SNX31: variants seen among roughly 807,000 people sequenced by gnomAD.
SNX31 encodes sorting nexin-31.
In SNX31, 58 loss-of-function variants were observed where a neutral mutation model predicts 65.4. That is an observed-to-expected ratio of 0.89 (90% CI 0.72 to 1.10). The LOEUF (loss-of-function observed/expected upper bound fraction) is 1.10, where lower values mean the gene tolerates loss of function less well. Among genes scored for constraint, SNX31 ranks in the 50% least tolerant of loss-of-function variants. SNX31 has a pLI of 0.00. For synonymous variants in SNX31, 181 were observed against 190.1 expected, an observed-to-expected ratio of 0.95 and a Z score of 0.39; for missense variants, 523 against 529.7, an observed-to-expected ratio of 0.99 and a Z score of 0.12.
intron 4 of SNX31, chr8:100,618,334 G>T: frequency 6.5e-7 from 1 of 1,534,758 alleles, no homozygotes; most frequent in South Asian, 1.2e-5. Context: ...AACTTGCCCA[G>T]TTTTCAGTAT....
intron 10 of SNX31, among the ~76,000 whole-genome samples, chr8:100,592,820 T>A (rs1235912144): frequency 2.0e-5 from 3 of 152,198 alleles, no homozygotes; most frequent in Non-Finnish European, 4.4e-5. Context: ...TGATACATGC[T>A]ACAAGAATGA....
At chr8:100,615,766 GTTATTA>G (rs955711958) in intron 5 of SNX31, among the ~76,000 whole-genome samples, 2 of 151,954 alleles carry the variant, frequency 1.3e-5, no homozygotes, top group Non-Finnish European at 1.5e-5. Context: ...CATATCTATT[GTTATTA>G]TTATTATTAT....
intron 4 of SNX31, among the ~76,000 whole-genome samples, chr8:100,621,376 G>A (rs979875853): frequency 2.0e-5 from 3 of 152,200 alleles, no homozygotes; most frequent in African/African-American, 7.2e-5. Flanking sequence ...GCTACCATGT[G>A]TTAAGCTGCC....
chr8:100,645,955 C>T (rs1427603928), intron 2 of SNX31, among the ~76,000 whole-genome samples: 2 of 152,134 alleles, frequency 1.3e-5, no homozygotes, highest in African/African-American at 4.8e-5. Context: ...GATGATTGAA[C>T]TGCTGACCTT....
rs1813243679 is a variant in SNX31 at position 100,578,684 on chromosome 8, T to TTTTATTTTA, written c.1171-1610_1171-1609insTAAAATAAA. ...ACATATTTAAGCCTATTTCAATGAT[T>TTTTATTTTA]TTTTATTTTATTTTATTTTATTTTA... is the stretch of plus-strand genomic sequence containing the variant. On this transcript the variant is annotated intron_variant, in intron 12 of 13. Transcript: ENST00000311812. The surrounding 1 kb of genome is among the most constrained non-coding windows in gnomAD (Gnocchi z 4.7). Among the ~76,000 whole-genome samples, 1 of 145,368 alleles carries TTTTATTTTA rather than the reference T, an allele frequency of 6.9e-6. No homozygotes were observed. Among genetic ancestry groups the TTTTATTTTA allele is most frequent in the African/African-American group, 2.6e-5 (1 of 38,690 alleles).
intron 11 of SNX31, among the ~76,000 whole-genome samples, chr8:100,584,748 C>CTTTTTTTTTTTTTTTT (rs531595486): frequency 7.4e-6 from 1 of 135,460 alleles, no homozygotes; most frequent in Non-Finnish European, 1.6e-5. Context: ...TTTTCTTTTT[C>CTTTTTTTTTTTTTTTT]TTTTTTTTTT....
chr8:100,592,805 A>G (rs779973694), intron 10 of SNX31, among the ~76,000 whole-genome samples: 6 of 152,224 alleles, frequency 3.9e-5, no homozygotes, highest in Non-Finnish European at 8.8e-5. Flanking sequence ...ATAATAAAGT[A>G]CTGATGATAC....
chr8:100,598,478 AG>A (rs1815315133), intron 9 of SNX31, among the ~76,000 whole-genome samples: 1 of 149,916 alleles, frequency 6.7e-6, no homozygotes, highest in South Asian at 2.1e-4. Flanking sequence ...ATGAGCTAAA[AG>A]AAAGGAAAGT....
chr8:100,579,711 G>C (rs1236668407), intron 12 of SNX31, among the ~76,000 whole-genome samples: 2 of 152,182 alleles, frequency 1.3e-5, no homozygotes, highest in African/African-American at 4.8e-5. Flanking sequence ...TCTGGTGATG[G>C]TAGTTGAGGA....
chr8:100,657,670 A>G (rs1820073637), intron 1 of SNX31: 1 of 455,866 alleles, frequency 2.2e-6, no homozygotes, highest in Non-Finnish European at 4.4e-6. Flanking sequence ...GAGGGACAAG[A>G]TGGGGATTGG....
At chr8:100,595,983 A>G (rs1246371564) in intron 10 of SNX31, among the ~76,000 whole-genome samples, 1 of 152,218 alleles carries the variant, frequency 6.6e-6, no homozygotes, top group Non-Finnish European at 1.5e-5. Context: ...GACAGTATCG[A>G]ATGCCACAGA....
chr8:100,576,133 TGAA>T lies in SNX31; in HGVS notation c.1227+883_1227+885del, dbSNP rs1813028607. Among the ~76,000 whole-genome samples, 1 of 152,204 alleles carries T rather than the reference TGAA, an allele frequency of 6.6e-6. No homozygotes were observed. ...CAACCAGCCAGAAGTGCTGTGATTATGAAGGAGAATGCTTTTATGCATTTCTGC... is the reference window on the plus strand; with the variant it reads ...CAACCAGCCAGAAGTGCTGTGATTATGGAGAATGCTTTTATGCATTTCTGC... On this transcript the variant is annotated intron_variant, in intron 13 of 13. Coordinates refer to ENST00000311812, the MANE Select transcript of SNX31 (RefSeq NM_152628.4). The surrounding 1 kb of genome is among the most constrained non-coding windows in gnomAD (Gnocchi z 4.8).
At position 100,578,064 on chromosome 8, in the gene SNX31, AT is replaced by A. The variant is rs1267664166; in HGVS notation, c.1171-990del. On this transcript the variant is annotated intron_variant, in intron 12 of 13. Coordinates refer to ENST00000311812, the MANE Select transcript of SNX31 (RefSeq NM_152628.4). This position sits in a 1 kb window ranked among gnomAD's most constrained non-coding sequence, Gnocchi z 4.7. ...AGTTTATGAATTTGCATTAGGCCACATTCAGACATGTCCTGGGCTGCATGCA... is the reference window on the plus strand; with the variant it reads ...AGTTTATGAATTTGCATTAGGCCACATCAGACATGTCCTGGGCTGCATGCA... 6.6e-6 allele frequency among the ~76,000 whole-genome samples: 1 copy of A among 151,714 alleles called. No homozygotes were observed. The highest frequency in any genetic ancestry group is 1.5e-5 in the Non-Finnish European group (1 of 68,046).
chr8:100,622,500 A>C lies in SNX31; in HGVS notation c.322-4770T>G, dbSNP rs1032856770. On this transcript the variant is annotated intron_variant, in intron 4 of 13. Coordinates refer to ENST00000311812, the MANE Select transcript of SNX31 (RefSeq NM_152628.4). This position sits in a 1 kb window ranked among gnomAD's most constrained non-coding sequence, Gnocchi z 5.0. ...AACACTGTCTCTACTAAAATACAGA[A>C]ATTAGCTGGGCGTGGTGGCACATGC... is the stretch of plus-strand genomic sequence containing the variant. Among the ~76,000 whole-genome samples, 1 of 151,902 alleles carries C rather than the reference A, an allele frequency of 6.6e-6. No homozygotes were observed. Among genetic ancestry groups the C allele is most frequent in the Non-Finnish European group, 1.5e-5 (1 of 67,980 alleles).
chr8:100,661,007 ATT>A (rs10641759), intron 1 of SNX31, among the ~76,000 whole-genome samples: 9 of 140,508 alleles, frequency 6.4e-5, no homozygotes, highest in Admixed American at 7.2e-5. Flanking sequence ...GCAGGTCGAT[ATT>A]TTTTTTTTTT....
Position 100,578,953 on chromosome 8 carries a change from C to T in SNX31, c.1171-1878G>A, listed in dbSNP as rs1231032029. ...GCCAGGCTGGTCTCAAACTCCTGAC[C>T]TCAAGTGATCCACCTGCCTCGGCCT... On this transcript the variant is annotated intron_variant, in intron 12 of 13. Transcript: ENST00000311812. This position sits in a 1 kb window ranked among gnomAD's most constrained non-coding sequence, Gnocchi z 4.7. Among the ~76,000 whole-genome samples the T allele has an allele frequency of 6.6e-6, 1 of 152,088 alleles. No individual in the cohort carries two copies. The highest frequency in any genetic ancestry group is 1.9e-4 in the East Asian group (1 of 5,194).
At chr8:100,650,596 C>T (rs1819935874), upstream of SNX31, among the ~76,000 whole-genome samples, 1 of 152,214 alleles carries the variant, frequency 6.6e-6, no homozygotes, top group South Asian at 2.1e-4. Context: ...GCCTGCCAAA[C>T]ACCGGTGCCT....
chr8:100,655,756 C>T (rs560324913), intron 1 of SNX31, among the ~76,000 whole-genome samples: 1 of 152,100 alleles, frequency 6.6e-6, no homozygotes, highest in Non-Finnish European at 1.5e-5. Flanking sequence ...GGGAGGCAGC[C>T]TGATCTTTTG....
At chr8:100,646,004 T>A (rs555598403) in intron 2 of SNX31, among the ~76,000 whole-genome samples, 7 of 152,094 alleles carry the variant, frequency 4.6e-5, no homozygotes, top group Non-Finnish European at 1.0e-4. Context: ...TGTCTGGAAC[T>A]CGCATGACAG....
Sources: allele counts gnomAD v4.1 joint callset (sites outside exome capture counted in the v4.1 genomes callset), GRCh38; gene constraint gnomAD v4.1.1; non-coding constraint Gnocchi (gnomAD v3.1); transcripts MANE v1.5; gene names NCBI Gene and HGNC (gene_info 2026-07-23, HGNC 2026-07-21).